The following GAB1 variants were observed in gnomAD, a reference collection of about 807,000 sequenced individuals.
GAB1 encodes GRB2-associated-binding protein 1.
Under a neutral mutation model 66.5 loss-of-function variants are expected in GAB1, and 19 were observed. The observed-to-expected ratio is 0.29, with a 90% confidence interval of 0.20 to 0.42. GAB1 has a LOEUF of 0.42. GAB1 is among the 10% of genes least tolerant of loss of function. The pLI is 1.00. For missense variants in GAB1, 732 were observed against 858.5 expected, an observed-to-expected ratio of 0.85 and a Z score of 1.84; for synonymous variants, 294 against 301.4, an observed-to-expected ratio of 0.98 and a Z score of 0.25.
At chr4:143,441,366 T>A (rs534861314) in intron 6 of GAB1, among the ~76,000 whole-genome samples, 37 of 152,286 alleles carry the variant, frequency 2.4e-4, no homozygotes, top group Non-Finnish European at 5.1e-4. Context: ...ATTTGAAAAG[T>A]CTCATGTGCT....
chr4:143,446,544 G>C (rs1734550124), intron 6 of GAB1, among the ~76,000 whole-genome samples: 1 of 152,044 alleles, frequency 6.6e-6, no homozygotes, highest in Non-Finnish European at 1.5e-5. Flanking sequence ...CTGATGGCCA[G>C]TGATGATGAG....
intron 2 of GAB1, among the ~76,000 whole-genome samples, chr4:143,426,482 G>A (rs1425536151): frequency 1.3e-5 from 2 of 152,178 alleles, no homozygotes; most frequent in Non-Finnish European, 2.9e-5. Context: ...GTTCCAGGCT[G>A]CAGTAAGCTA....
chr4:143,353,728 C>T (rs1729324080), intron 1 of GAB1, among the ~76,000 whole-genome samples: 1 of 150,864 alleles, frequency 6.6e-6, no homozygotes, highest in Non-Finnish European at 1.5e-5. Context: ...TGATGAGTAT[C>T]ACCAGCATTT....
chr4:143,448,974 A>T (rs956253056), intron 6 of GAB1, among the ~76,000 whole-genome samples: 7 of 152,058 alleles, frequency 4.6e-5, no homozygotes, highest in African/African-American at 1.4e-4. Context: ...TGTCCCAGAG[A>T]TTCTGGTATG....
intron 2 of GAB1, among the ~76,000 whole-genome samples, chr4:143,420,229 G>C (rs1732942091): frequency 6.6e-6 from 1 of 152,068 alleles, no homozygotes; most frequent in Non-Finnish European, 1.5e-5. Flanking sequence ...AACAGCACAA[G>C]ATAATTTTTT....
intron 6 of GAB1, among the ~76,000 whole-genome samples, chr4:143,458,537 A>T (rs1162133218): frequency 6.6e-6 from 1 of 152,012 alleles, no homozygotes; most frequent in Non-Finnish European, 1.5e-5. Context: ...TAAAATATCT[A>T]GTATTAAATA....
intron 8 of GAB1, among the ~76,000 whole-genome samples, chr4:143,464,568 G>A (rs1053596357): frequency 6.6e-6 from 1 of 152,074 alleles, no homozygotes; most frequent in Non-Finnish European, 1.5e-5. Flanking sequence ...TGTAGTAATT[G>A]ATAAATTTGG....
intron 1 of GAB1, among the ~76,000 whole-genome samples, chr4:143,360,679 T>G (rs184720226): frequency 1.3e-5 from 2 of 152,362 alleles, no homozygotes; most frequent in Admixed American, 1.3e-4. Context: ...TGATGCTTGT[T>G]GTTAATAAGA....
At chr4:143,356,221 A>G (rs1025890545) in intron 1 of GAB1, among the ~76,000 whole-genome samples, 10 of 152,220 alleles carry the variant, frequency 6.6e-5, no homozygotes, top group African/African-American at 2.4e-4. Flanking sequence ...CACAAAAGAA[A>G]TACTTGATAT....
At chr4:143,396,461 A>G (rs1731460608) in intron 1 of GAB1, among the ~76,000 whole-genome samples, 1 of 152,156 alleles carries the variant, frequency 6.6e-6, no homozygotes, top group South Asian at 2.1e-4. Flanking sequence ...CCAAGGAGCT[A>G]GAAGATGCAC....
intron 1 of GAB1, chr4:143,395,789 G>A (rs549965612): frequency 4.7e-6 from 2 of 422,968 alleles, no homozygotes; most frequent in South Asian, 1.7e-5. Flanking sequence ...TTCTTTTAAA[G>A]CATATCCCTC....
chr4:143,348,011 G>A (rs1259236166), intron 1 of GAB1, among the ~76,000 whole-genome samples: 2 of 152,030 alleles, frequency 1.3e-5, no homozygotes, highest in Non-Finnish European at 2.9e-5. Flanking sequence ...CCTAAGTGTT[G>A]GAGTTCTTGA....
intron 1 of GAB1, among the ~76,000 whole-genome samples, chr4:143,380,072 G>A (rs758404569): frequency 4.4e-4 from 66 of 149,386 alleles, no homozygotes; most frequent in Non-Finnish European, 7.8e-4. Context: ...AATTTCTAAC[G>A]TGGACCCTGG....
At chr4:143,355,941 T>G (rs1331511322) in intron 1 of GAB1, among the ~76,000 whole-genome samples, 1 of 151,966 alleles carries the variant, frequency 6.6e-6, no homozygotes, top group African/African-American at 2.4e-5. Flanking sequence ...GAGTGCGAGG[T>G]GTTGAGATTT....
chr4:143,451,379 A>C (rs1440886049), intron 6 of GAB1, among the ~76,000 whole-genome samples: 1 of 152,184 alleles, frequency 6.6e-6, no homozygotes, highest in Non-Finnish European at 1.5e-5. Context: ...CGAATGCCAG[A>C]TGCCTTGCAG....
At position 143,440,708 on chromosome 4, in the gene GAB1, A is replaced by T. The variant is rs144998816; in HGVS notation, c.1585+326A>T. Among the ~76,000 whole-genome samples, 492 of 152,292 alleles carry T rather than the reference A, an allele frequency of 3.2e-3. 4 individuals are homozygous for T. Among genetic ancestry groups the T allele is most frequent in the African/African-American group, 0.011 (450 of 41,564 alleles). Reference sequence around the variant, plus strand: ...CCCATCTAATGGGAGTAACTAACCTACACTGCTACAATCCTTTGTTGACTT... The same window carrying T: ...CCCATCTAATGGGAGTAACTAACCTTCACTGCTACAATCCTTTGTTGACTT... On this transcript the variant is annotated intron_variant, in intron 6 of 9. Transcript: ENST00000262994.
intron 1 of GAB1, among the ~76,000 whole-genome samples, chr4:143,413,204 A>G (rs979332976): frequency 4.0e-5 from 6 of 151,834 alleles, no homozygotes; most frequent in Non-Finnish European, 8.8e-5. Flanking sequence ...CATATTTTAT[A>G]TTCTTTTGCT....
intron 1 of GAB1, among the ~76,000 whole-genome samples, chr4:143,341,428 C>T (rs1370300846): frequency 6.6e-6 from 1 of 152,246 alleles, no homozygotes; most frequent in East Asian, 1.9e-4. Context: ...CTACCACCAT[C>T]GCTCTGGAGG....
intron 1 of GAB1, among the ~76,000 whole-genome samples, chr4:143,410,764 C>T (rs1181716161): frequency 2.6e-5 from 4 of 152,204 alleles, no homozygotes; most frequent in Non-Finnish European, 1.5e-5. Flanking sequence ...ATATCACTAT[C>T]CCTGCAATGC....
Sources: allele counts gnomAD v4.1 joint callset (sites outside exome capture counted in the v4.1 genomes callset), GRCh38; gene constraint gnomAD v4.1.1; transcripts MANE v1.5; gene names NCBI Gene and HGNC (gene_info 2026-07-23, HGNC 2026-07-21).